The following KLHL1 variants were observed in gnomAD, a reference collection of about 807,000 sequenced individuals.
KLHL1 encodes the protein kelch like family member 1, also known as kelch-like protein 1.
KLHL1 carries 47 observed loss-of-function variants against 77.7 expected under a neutral mutation model. The ratio of observed to expected loss-of-function variants is 0.60; its 90% CI spans 0.48 to 0.77. The LOEUF (loss-of-function observed/expected upper bound fraction) is 0.77, where lower values mean the gene tolerates loss of function less well. KLHL1 is among the 30% of genes least tolerant of loss of function. The pLI, the probability that KLHL1 is intolerant of heterozygous loss-of-function variation, is 0.00. For synonymous variants in KLHL1, 360 were observed against 325.2 expected (o/e 1.11, Z -1.15); for missense variants, 925 against 910.8 (o/e 1.02, Z -0.20).
intron 4 of KLHL1, among the ~76,000 whole-genome samples, chr13:69,910,716 G>T (rs568116804): frequency 6.6e-6 from 1 of 151,714 alleles, no homozygotes; most frequent in South Asian, 2.1e-4. Flanking sequence ...CTGGATAGAC[G>T]TGATAAAGCC....
Position 69,771,972 on chromosome 13 carries a change from G to A in KLHL1, c.1639+24766C>T, listed in dbSNP as rs142337047. Among the ~76,000 whole-genome samples the A allele has an allele frequency of 4.8e-3, 724 of 151,966 alleles. 4 individuals are homozygous for A. The highest frequency in any genetic ancestry group is 0.017 in the African/African-American group (691 of 41,472). ...TAATAATAATAATTGTTATTTTTGA[G>A]ATGGAGTCTCACTCTATTGCCCTGG... On this transcript the variant is annotated intron_variant, in intron 7 of 10. Coordinates refer to ENST00000377844, the MANE Select transcript of KLHL1 (RefSeq NM_020866.3).
At chr13:69,957,332 C>A (rs984460798) in intron 3 of KLHL1, among the ~76,000 whole-genome samples, 1 of 151,626 alleles carries the variant, frequency 6.6e-6, no homozygotes. Context: ...TAATCCTGTG[C>A]GTTGCCAAAT....
chr13:69,751,497 G>A (rs1331154551), intron 7 of KLHL1, among the ~76,000 whole-genome samples: 2 of 152,000 alleles, frequency 1.3e-5, no homozygotes, highest in Non-Finnish European at 1.5e-5. Flanking sequence ...GATTTATGTG[G>A]GGATGAGGAA....
chr13:70,016,847 TCCACCCATGG>T (rs2137346433), intron 1 of KLHL1, among the ~76,000 whole-genome samples: 1 of 152,070 alleles, frequency 6.6e-6, no homozygotes, highest in African/African-American at 2.4e-5. Context: ...TTTTTCCAGG[TCCACCCATGG>T]CCACCCATGG....
At chr13:69,725,261 G>A (rs1296835681) in intron 8 of KLHL1, among the ~76,000 whole-genome samples, 1 of 152,154 alleles carries the variant, frequency 6.6e-6, no homozygotes, top group Non-Finnish European at 1.5e-5. Flanking sequence ...TGGAAAATAT[G>A]GAGTAATGCT....
intron 1 of KLHL1, among the ~76,000 whole-genome samples, chr13:70,073,729 A>G (rs1172492577): frequency 6.6e-6 from 1 of 152,076 alleles, no homozygotes; most frequent in African/African-American, 2.4e-5. Context: ...GTGAGCCATG[A>G]TCGTGCCACT....
intron 1 of KLHL1, among the ~76,000 whole-genome samples, chr13:70,081,186 C>T (rs2137429774): frequency 6.6e-6 from 1 of 152,282 alleles, no homozygotes; most frequent in South Asian, 2.1e-4. Context: ...AGCCCCATGT[C>T]TTGGGAACTG....
intron 1 of KLHL1, among the ~76,000 whole-genome samples, chr13:70,026,044 G>A (rs961893615): frequency 6.6e-6 from 1 of 152,054 alleles, no homozygotes; most frequent in Non-Finnish European, 1.5e-5. Flanking sequence ...TCACTGCAGG[G>A]ACATCCTGAA....
intron 1 of KLHL1, among the ~76,000 whole-genome samples, chr13:70,064,253 C>T (rs1283610942): frequency 2.6e-5 from 4 of 152,054 alleles, no homozygotes; most frequent in African/African-American, 9.7e-5. Flanking sequence ...ACCATTTGCC[C>T]TCAGGGATTG....
At chr13:70,008,640 A>G (rs2137334631) in intron 1 of KLHL1, among the ~76,000 whole-genome samples, 1 of 152,180 alleles carries the variant, frequency 6.6e-6, no homozygotes, top group Non-Finnish European at 1.5e-5. Flanking sequence ...TTTACAACCC[A>G]CAATTATTCT....
At chr13:69,956,113 T>TTGATATATATATTTGATATATA (rs1420694207) in intron 3 of KLHL1, among the ~76,000 whole-genome samples, 2 of 111,470 alleles carry the variant, frequency 1.8e-5, no homozygotes, top group African/African-American at 8.8e-5. Context: ...ATATTTATAT[T>TTGATATATATATTTGATATATA]TGATATATAT....
At chr13:69,792,820 T>C (rs192555586) in intron 7 of KLHL1, among the ~76,000 whole-genome samples, 217 of 152,202 alleles carry the variant, frequency 1.4e-3, no homozygotes, top group Non-Finnish European at 2.5e-3. Context: ...ACATGAAATA[T>C]TCAGAATGAG....
chr13:69,899,254 C>A (rs1881768592), intron 4 of KLHL1, among the ~76,000 whole-genome samples: 1 of 152,052 alleles, frequency 6.6e-6, no homozygotes, highest in Non-Finnish European at 1.5e-5. Flanking sequence ...GCAAGCAAAT[C>A]CAGGTGGTTG....
intron 1 of KLHL1, among the ~76,000 whole-genome samples, chr13:70,023,794 G>C (rs545361376): frequency 6.6e-6 from 1 of 151,920 alleles, no homozygotes; most frequent in African/African-American, 2.4e-5. Flanking sequence ...TATATTGCCA[G>C]TAAATGGTTC....
intron 1 of KLHL1, among the ~76,000 whole-genome samples, chr13:70,035,503 C>T (rs898363132): frequency 6.6e-6 from 1 of 151,516 alleles, no homozygotes; most frequent in Admixed American, 6.6e-5. Flanking sequence ...ATAGAAAAAA[C>T]ATGAATAAGA....
chr13:69,952,819 T>C (rs79096720), intron 3 of KLHL1, among the ~76,000 whole-genome samples: 2 of 151,296 alleles, frequency 1.3e-5, no homozygotes, highest in Admixed American at 1.3e-4. Flanking sequence ...TAAGTGGTAA[T>C]TTACAGAAGT....
At chr13:69,829,843 T>C (rs1878692711) in intron 6 of KLHL1, among the ~76,000 whole-genome samples, 1 of 149,970 alleles carries the variant, frequency 6.7e-6, no homozygotes, top group Admixed American at 6.7e-5. Flanking sequence ...TTGTATCCAG[T>C]GAAACTAAGC....
chr13:70,042,800 C>T (rs1433309314), intron 1 of KLHL1, among the ~76,000 whole-genome samples: 2 of 152,152 alleles, frequency 1.3e-5, no homozygotes, highest in African/African-American at 4.8e-5. Flanking sequence ...GAAGGCATTG[C>T]TATCCTAGGA....
At chr13:69,750,584 A>G (rs1410611566) in intron 7 of KLHL1, among the ~76,000 whole-genome samples, 1 of 151,944 alleles carries the variant, frequency 6.6e-6, no homozygotes, top group Non-Finnish European at 1.5e-5. Context: ...AGCATATAAT[A>G]TACAATATAT....
Sources: allele counts gnomAD v4.1 joint callset (sites outside exome capture counted in the v4.1 genomes callset), GRCh38; gene constraint gnomAD v4.1.1; transcripts MANE v1.5; gene names NCBI Gene and HGNC (gene_info 2026-07-23, HGNC 2026-07-21).